Variants in ULK4 observed in about 807,000 individuals in gnomAD.
ULK4 encodes the protein inactive serine/threonine-protein kinase ULK4.
ULK4 carries 133 observed loss-of-function variants against 160.6 expected under a neutral mutation model. The observed-to-expected ratio is 0.83, with a 90% CI of 0.72 to 0.96. ULK4 has a LOEUF of 0.96. Among genes scored for constraint, ULK4 ranks in the 40% least tolerant of loss-of-function variants. The pLI, the probability that ULK4 is intolerant of heterozygous loss-of-function variation, is 0.00. For missense variants in ULK4, 1,580 were observed against 1,499.5 expected, an observed-to-expected ratio of 1.05 and a Z score of -0.89; for synonymous variants, 534 against 539.8, an observed-to-expected ratio of 0.99 and a Z score of 0.15.
intron 29 of ULK4, among the ~76,000 whole-genome samples, chr3:41,673,517 T>C (rs2035605580): frequency 6.6e-6 from 1 of 152,134 alleles, no homozygotes; most frequent in African/African-American, 2.4e-5. Flanking sequence ...ATGAAGTTAT[T>C]ATGGCCCTGA....
chr3:41,689,993 T>C (rs2036232926), intron 27 of ULK4, among the ~76,000 whole-genome samples: 1 of 148,892 alleles, frequency 6.7e-6, no homozygotes, highest in African/African-American at 2.6e-5. Flanking sequence ...CATGCACACG[T>C]ATGTTTACTG....
At chr3:41,616,207 T>C (rs1054692122) in intron 30 of ULK4, among the ~76,000 whole-genome samples, 3 of 152,214 alleles carry the variant, frequency 2.0e-5, no homozygotes, top group African/African-American at 7.2e-5. Flanking sequence ...CTAGGCACTT[T>C]CCCTCATCAA....
intron 19 of ULK4, among the ~76,000 whole-genome samples, chr3:41,817,373 G>T (rs1361337858): frequency 6.6e-6 from 1 of 152,074 alleles, no homozygotes; most frequent in African/African-American, 2.4e-5. Flanking sequence ...TTAGCTAAGA[G>T]ATTAACAACC....
At position 41,962,051 on chromosome 3, in the gene ULK4, T is replaced by C. The variant is rs567344152; in HGVS notation, c.-84A>G. ...AGTCAAGAAAAGAGTCCAGTCCACT[T>C]GGCTGCTCCCGCGGTTGCGCGCATC... On this transcript the variant is annotated 5_prime_UTR_variant, in exon 1 of 37. Coordinates refer to ENST00000301831, the MANE Select transcript of ULK4 (RefSeq NM_017886.4). The C allele has an allele frequency of 6.6e-6, 1 of 152,628 alleles. No individual in the cohort carries two copies. The highest frequency in any genetic ancestry group is 1.9e-4 in the East Asian group (1 of 5,200). 9.5% of individuals were successfully genotyped at this position (152,628 alleles called of 1,614,324 possible). A position where few individuals can be genotyped will look rare whatever the true frequency, so the allele number is the denominator to read the frequency against.
intron 35 of ULK4, among the ~76,000 whole-genome samples, chr3:41,372,642 A>T (rs1322547325): frequency 6.6e-6 from 1 of 152,230 alleles, no homozygotes; most frequent in Non-Finnish European, 1.5e-5. Context: ...TGAAGGAAGC[A>T]CTAAATATGG....
chr3:41,268,431 A>G (rs1015881599), intron 35 of ULK4, among the ~76,000 whole-genome samples: 1 of 152,148 alleles, frequency 6.6e-6, no homozygotes, highest in Non-Finnish European at 1.5e-5. Context: ...ACTTGGTTAT[A>G]TCCTGTCCCA....
At chr3:41,816,679 G>A (rs1462846703) in intron 19 of ULK4, among the ~76,000 whole-genome samples, 1 of 152,040 alleles carries the variant, frequency 6.6e-6, no homozygotes, top group Non-Finnish European at 1.5e-5. Flanking sequence ...AGGCATAGTA[G>A]TATGCATGTG....
At chr3:41,450,879 T>A (rs2083410388) in intron 34 of ULK4, among the ~76,000 whole-genome samples, 1 of 152,224 alleles carries the variant, frequency 6.6e-6, no homozygotes, top group African/African-American at 2.4e-5. Context: ...ATGATAAATG[T>A]GTATATATTG....
At chr3:41,285,727 T>C (rs1382937873) in intron 35 of ULK4, among the ~76,000 whole-genome samples, 1 of 152,142 alleles carries the variant, frequency 6.6e-6, no homozygotes, top group South Asian at 2.1e-4. Flanking sequence ...TGTACCCCAA[T>C]AACCTATGGA....
intron 35 of ULK4, among the ~76,000 whole-genome samples, chr3:41,372,606 C>T (rs185735968): frequency 1.1e-3 from 168 of 152,196 alleles, no homozygotes; most frequent in African/African-American, 3.9e-3. Flanking sequence ...ATTTTGTCAC[C>T]ACCAGGCCTG....
intron 32 of ULK4, among the ~76,000 whole-genome samples, chr3:41,473,661 CAAAGAAAAAAAAA>C (rs1385595227): frequency 7.9e-5 from 2 of 25,296 alleles, no homozygotes; most frequent in East Asian, 1.3e-3. Flanking sequence ...GATTCTGTCT[CAAAGAAAAAAAAA>C]AAAAAAAAAA....
At chr3:41,300,226 C>T (rs553602095) in intron 35 of ULK4, among the ~76,000 whole-genome samples, 3 of 152,194 alleles carry the variant, frequency 2.0e-5, no homozygotes, top group Admixed American at 1.3e-4. Context: ...TATATATCAC[C>T]GAATAAATGA....
At chr3:41,762,268 C>A (rs186518381) in intron 21 of ULK4, among the ~76,000 whole-genome samples, 183 of 151,866 alleles carry the variant, frequency 1.2e-3, no homozygotes, top group Admixed American at 2.2e-3. Flanking sequence ...GCCCATTAAC[C>A]ACCCCCACTC....
At chr3:41,846,378 T>C (rs1035164040) in intron 17 of ULK4, among the ~76,000 whole-genome samples, 1 of 152,162 alleles carries the variant, frequency 6.6e-6, no homozygotes, top group Admixed American at 6.5e-5. Context: ...CAATACTAAA[T>C]GAATAAGGTA....
Position 41,792,757 on chromosome 3 carries a change from T to C in ULK4, c.2011-2914A>G, listed in dbSNP as rs375225466. Among the ~76,000 whole-genome samples the C allele has an allele frequency of 7.9e-5, 12 of 152,378 alleles. No homozygotes were observed. The East Asian group carries it at 9.6e-4, about 12-fold the overall frequency. Reference sequence around the variant, plus strand: ...AATATCAAACTCACTTGAAAGCTTCTGAGCAACTGAGAAGATGCACAGAGC... The same window carrying C: ...AATATCAAACTCACTTGAAAGCTTCCGAGCAACTGAGAAGATGCACAGAGC... On this transcript the variant is annotated intron_variant, in intron 20 of 36. Coordinates refer to ENST00000301831, the MANE Select transcript of ULK4 (RefSeq NM_017886.4).
intron 22 of ULK4, among the ~76,000 whole-genome samples, chr3:41,718,936 T>G (rs1320761293): frequency 1.3e-5 from 2 of 152,220 alleles, no homozygotes; most frequent in Non-Finnish European, 2.9e-5. Flanking sequence ...TCTGTATCAG[T>G]TAGCATCTTC....
chr3:41,698,200 A>G (rs943544228), intron 27 of ULK4, among the ~76,000 whole-genome samples: 2 of 152,224 alleles, frequency 1.3e-5, no homozygotes, highest in African/African-American at 4.8e-5. Flanking sequence ...TTCAGAATGT[A>G]TCTCCATCTT....
chr3:41,780,825 A>G (rs1252551022), intron 21 of ULK4, among the ~76,000 whole-genome samples: 2 of 152,202 alleles, frequency 1.3e-5, no homozygotes, highest in Non-Finnish European at 2.9e-5. Flanking sequence ...CATTTTAACC[A>G]CAAGCAGTCC....
intron 22 of ULK4, among the ~76,000 whole-genome samples, chr3:41,753,381 G>A (rs577233264): frequency 2.4e-4 from 36 of 152,254 alleles, no homozygotes; most frequent in South Asian, 1.0e-3. Context: ...ACCAGGCTCT[G>A]CTCAGTATTC....
Sources: allele counts gnomAD v4.1 joint callset (sites outside exome capture counted in the v4.1 genomes callset), GRCh38; gene constraint gnomAD v4.1.1; transcripts MANE v1.5; gene names NCBI Gene and HGNC (gene_info 2026-07-23, HGNC 2026-07-21).